RALGPS2: variants seen among roughly 807,000 people sequenced by gnomAD.
RALGPS2 encodes Ral GEF with PH domain and SH3 binding motif 2, also known as ras-specific guanine nucleotide-releasing factor RalGPS2.
A neutral mutation model predicts 86.8 loss-of-function variants in RALGPS2; 43 were observed. The ratio of observed to expected loss-of-function variants is 0.50; its 90% CI spans 0.39 to 0.64. The LOEUF is 0.64. Among genes scored for constraint, RALGPS2 ranks in the 30% least tolerant of loss-of-function variants. The pLI, the probability that RALGPS2 is intolerant of heterozygous loss-of-function variation, is 0.00. For missense variants in RALGPS2, 536 were observed against 694.6 expected (o/e 0.77, Z 2.57); for synonymous variants, 243 against 231.3 (o/e 1.05, Z -0.46).
At chr1:178,777,690 C>G (rs1653164622) in intron 2 of RALGPS2, among the ~76,000 whole-genome samples, 1 of 151,968 alleles carries the variant, frequency 6.6e-6, no homozygotes, top group African/African-American at 2.4e-5. Flanking sequence ...GGTACCAAAA[C>G]AGAGATATAG....
At chr1:178,895,776 T>C (rs371562332) in intron 16 of RALGPS2, among the ~76,000 whole-genome samples, 165 of 151,950 alleles carry the variant, frequency 1.1e-3, no homozygotes, top group African/African-American at 3.6e-3. Context: ...TTTATTGAAA[T>C]GGGGGGCAGG....
At chr1:178,783,042 A>T (rs1234109116) in intron 2 of RALGPS2, among the ~76,000 whole-genome samples, 1 of 152,248 alleles carries the variant, frequency 6.6e-6, no homozygotes, top group Non-Finnish European at 1.5e-5. Context: ...CAGAGATTTC[A>T]CAATTATCAG....
At chr1:178,853,658 C>T in intron 8 of RALGPS2, 3 of 1,612,296 alleles carry the variant, frequency 1.9e-6, no homozygotes, top group Non-Finnish European at 2.5e-6. Flanking sequence ...AATAACAGTC[C>T]AACCCCCAGG....
chr1:178,830,674 T>A (rs1655972675), intron 7 of RALGPS2, among the ~76,000 whole-genome samples: 2 of 152,152 alleles, frequency 1.3e-5, no homozygotes, highest in South Asian at 4.1e-4. Flanking sequence ...ATGAATAGAT[T>A]TCTGGCTTTG....
At chr1:178,763,725 T>C (rs1372323629) in intron 1 of RALGPS2, among the ~76,000 whole-genome samples, 2 of 152,196 alleles carry the variant, frequency 1.3e-5, no homozygotes, top group African/African-American at 4.8e-5. Flanking sequence ...AATTTCTTGA[T>C]TTCTGCCTTA....
Position 178,919,130 on chromosome 1 carries a change from G to C in RALGPS2, c.*2771G>C, listed in dbSNP as rs1221238666. The C allele has an allele frequency of 6.6e-6, 1 of 151,980 alleles. No homozygotes were observed. Among genetic ancestry groups the C allele is most frequent in the African/African-American group, 2.4e-5 (1 of 41,424 alleles). 9.4% of individuals were successfully genotyped at this position (151,980 alleles called of 1,614,324 possible). On this transcript the variant is annotated 3_prime_UTR_variant, in exon 20 of 20. Transcript: ENST00000367635. ...CTCGTGCCCGCTCTGTTCAGGCTCTGCTTGTTTTTCAGAATATGATTTTTA... is the reference window on the plus strand; with the variant it reads ...CTCGTGCCCGCTCTGTTCAGGCTCTCCTTGTTTTTCAGAATATGATTTTTA...
chr1:178,732,301 A>ATTTATTTATTTATTTG, intron 1 of RALGPS2, among the ~76,000 whole-genome samples: 1 of 139,524 alleles, frequency 7.2e-6, no homozygotes, highest in African/African-American at 3.4e-5. Flanking sequence ...TATTTTATTT[A>ATTTATTTATTTATTTG]TTTATTTATT....
At chr1:178,725,793 GCGC>G (rs1649951302) in intron 1 of RALGPS2, 1 of 152,298 alleles carries the variant, frequency 6.6e-6, no homozygotes, top group South Asian at 2.1e-4. Context: ...GCGCCCAGCG[GCGC>G]CTCAGTCTTC....
chr1:178,862,857 G>A (rs1315622354), intron 8 of RALGPS2, among the ~76,000 whole-genome samples: 5 of 152,164 alleles, frequency 3.3e-5, no homozygotes, highest in Admixed American at 3.3e-4. Context: ...AAGCAGATAT[G>A]TGAGTAGTTT....
chr1:178,862,477 G>A (rs1658094759), intron 8 of RALGPS2, among the ~76,000 whole-genome samples: 1 of 152,158 alleles, frequency 6.6e-6, no homozygotes, highest in Non-Finnish European at 1.5e-5. Context: ...GATAATTTAA[G>A]AGGGACTATA....
intron 1 of RALGPS2, chr1:178,753,707 A>G (rs1401157192): frequency 6.6e-6 from 1 of 152,224 alleles, no homozygotes. Flanking sequence ...AGAGATACTT[A>G]TGTACCAAGT....
chr1:178,829,843 C>T (rs1235445314), intron 7 of RALGPS2, among the ~76,000 whole-genome samples: 1 of 152,130 alleles, frequency 6.6e-6, no homozygotes, highest in Non-Finnish European at 1.5e-5. Flanking sequence ...TTCCCAGGCT[C>T]AAGTGATTCT....
At chr1:178,913,837 C>T (rs372908710) in intron 19 of RALGPS2, among the ~76,000 whole-genome samples, 4 of 152,068 alleles carry the variant, frequency 2.6e-5, no homozygotes, top group East Asian at 3.9e-4. Flanking sequence ...CTCTTGAGGT[C>T]GACCACCGGC....
chr1:178,828,472 C>A (rs546210783), intron 7 of RALGPS2, among the ~76,000 whole-genome samples: 1 of 152,126 alleles, frequency 6.6e-6, no homozygotes, highest in African/African-American at 2.4e-5. Flanking sequence ...GTAAAAAATA[C>A]AGTATTATAA....
chr1:178,738,902 G>A (rs560121354), intron 1 of RALGPS2, among the ~76,000 whole-genome samples: 20 of 152,156 alleles, frequency 1.3e-4, no homozygotes, highest in Non-Finnish European at 2.5e-4. Context: ...TAAATTATTC[G>A]TTATACCTCT....
chr1:178,895,073 G>A (rs1280052168), intron 16 of RALGPS2, among the ~76,000 whole-genome samples: 7 of 151,836 alleles, frequency 4.6e-5, no homozygotes, highest in African/African-American at 1.5e-4. Flanking sequence ...ATTGGGGGGG[G>A]AAAAAAGGAA....
chr1:178,814,299 G>A (rs1364349675), intron 6 of RALGPS2, among the ~76,000 whole-genome samples: 1 of 152,094 alleles, frequency 6.6e-6, no homozygotes, highest in Non-Finnish European at 1.5e-5. Flanking sequence ...AATGTACTTT[G>A]GATTATTTCC....
chr1:178,780,045 A>G (rs1184691283), intron 2 of RALGPS2, among the ~76,000 whole-genome samples: 1 of 152,128 alleles, frequency 6.6e-6, no homozygotes, highest in Non-Finnish European at 1.5e-5. Context: ...ATGTGTTGTT[A>G]ATTTTTGCCC....
In RALGPS2 at chr1:178,863,893, G is replaced by A. The variant is rs530327435; in HGVS notation, c.608-13605G>A. On this transcript the variant is annotated intron_variant, in intron 8 of 19. Transcript: ENST00000367635. ...CCACTTCATGATATATTTCTTTCTA[G>A]TCTTTAGTCTGTGTTTTTATTGTTA... 1.5e-3 allele frequency among the ~76,000 whole-genome samples: 224 copies of A among 152,270 alleles called. 1 individual carries two copies. The highest frequency in any genetic ancestry group is 4.9e-3 in the African/African-American group (203 of 41,556).
Sources: allele counts gnomAD v4.1 joint callset (sites outside exome capture counted in the v4.1 genomes callset), GRCh38; gene constraint gnomAD v4.1.1; transcripts MANE v1.5; gene names NCBI Gene and HGNC (gene_info 2026-07-23, HGNC 2026-07-21).